CDH4: variants seen among roughly 807,000 people sequenced by gnomAD.
CDH4 encodes the protein cadherin 4.
In CDH4, 33 loss-of-function variants were observed where a neutral mutation model predicts 86.0. That is an observed-to-expected ratio of 0.38 (90% CI 0.29 to 0.51). The LOEUF is 0.51. CDH4 is among the 20% of genes least tolerant of loss of function. CDH4 has a pLI of 0.86. For synonymous variants in CDH4, 555 were observed against 549.4 expected (o/e 1.01, Z -0.14); for missense variants, 1,114 against 1,307.4 (o/e 0.85, Z 2.28).
chr20:61,704,820 C>T (rs73150345), intron 2 of CDH4, among the ~76,000 whole-genome samples: 12,025 of 152,210 alleles, frequency 0.079, 566 homozygotes, highest in East Asian at 0.18. Context: ...CTGGCATCCA[C>T]TCAGGAGATG....
chr20:61,409,547 C>T (rs1030010591), intron 2 of CDH4, among the ~76,000 whole-genome samples: 1 of 152,196 alleles, frequency 6.6e-6, no homozygotes, highest in Admixed American at 6.5e-5. Context: ...GACTCACCGT[C>T]GCCACCGCCC....
intron 2 of CDH4, among the ~76,000 whole-genome samples, chr20:61,742,664 G>A (rs774099787): frequency 6.6e-5 from 10 of 152,140 alleles, no homozygotes; most frequent in Non-Finnish European, 1.2e-4. Flanking sequence ...CTGTGGGTGC[G>A]TCGTAATTTA....
chr20:61,276,530 A>G (rs1456484565), intron 2 of CDH4, among the ~76,000 whole-genome samples: 2 of 152,162 alleles, frequency 1.3e-5, no homozygotes, highest in Non-Finnish European at 2.9e-5. Flanking sequence ...ATCCCATGCT[A>G]TGTCGCTGCT....
chr20:61,260,652 G>T (rs139537134), intron 2 of CDH4, among the ~76,000 whole-genome samples: 248 of 152,296 alleles, frequency 1.6e-3, no homozygotes, highest in African/African-American at 5.5e-3. Context: ...TGAGCACCCA[G>T]ACCCCCACTG....
intron 2 of CDH4, among the ~76,000 whole-genome samples, chr20:61,584,944 C>G (rs2086458561): frequency 6.6e-6 from 1 of 152,184 alleles, no homozygotes; most frequent in African/African-American, 2.4e-5. Context: ...GGAGCAGGGG[C>G]ATTTCCCTGG....
chr20:61,612,458 TATC>T (rs1267933339), intron 2 of CDH4, among the ~76,000 whole-genome samples: 1 of 152,094 alleles, frequency 6.6e-6, no homozygotes, highest in Admixed American at 6.5e-5. Flanking sequence ...CATTCCTCCT[TATC>T]AGCAGCTGTG....
At chr20:61,653,497 T>C (rs1325607266) in intron 2 of CDH4, among the ~76,000 whole-genome samples, 1 of 134,756 alleles carries the variant, frequency 7.4e-6, no homozygotes, top group Non-Finnish European at 1.7e-5. Context: ...GGCTCCTCAC[T>C]TCCCAGTAGG....
chr20:61,683,434 C>T (rs1003189722), intron 2 of CDH4, among the ~76,000 whole-genome samples: 3 of 152,226 alleles, frequency 2.0e-5, no homozygotes, highest in Admixed American at 6.5e-5. Context: ...GGAGCTGTCA[C>T]GGTGTATCTG....
chr20:61,294,071 G>A (rs896805358), intron 2 of CDH4, among the ~76,000 whole-genome samples: 1 of 152,158 alleles, frequency 6.6e-6, no homozygotes. Flanking sequence ...TGGAGCGTCC[G>A]CAAGGATGCT....
chr20:61,640,616 G>A (rs552948506), intron 2 of CDH4, among the ~76,000 whole-genome samples: 3 of 152,138 alleles, frequency 2.0e-5, no homozygotes, highest in Admixed American at 6.5e-5. Flanking sequence ...CACACCCCTC[G>A]AGGAGGAGAG....
chr20:61,844,882 G>C, intron 5 of CDH4, 59 bp downstream of exon 5: 2 of 1,531,516 alleles, frequency 1.3e-6, no homozygotes, highest in Non-Finnish European at 1.8e-6. Context: ...AGCCCTACCA[G>C]GCCTTGGCAG....
intron 4 of CDH4, among the ~76,000 whole-genome samples, chr20:61,821,671 C>T (rs1981050552): frequency 6.6e-6 from 1 of 152,242 alleles, no homozygotes; most frequent in Admixed American, 6.5e-5. Flanking sequence ...TGGGCTTACA[C>T]CTGTGCTTCC....
intron 2 of CDH4, among the ~76,000 whole-genome samples, chr20:61,509,890 A>G (rs1020840300): frequency 1.2e-4 from 18 of 151,986 alleles, no homozygotes; most frequent in Non-Finnish European, 5.9e-5. Flanking sequence ...GCATCTCAGG[A>G]TGTAATGGAG....
At chr20:61,806,293 G>A in intron 4 of CDH4, among the ~76,000 whole-genome samples, 1 of 152,158 alleles carries the variant, frequency 6.6e-6, no homozygotes, top group East Asian at 1.9e-4. Context: ...GAGATGAGGA[G>A]GGGGGCGTCC....
chr20:61,720,336 C>T (rs1215405914), intron 2 of CDH4, among the ~76,000 whole-genome samples: 2 of 152,092 alleles, frequency 1.3e-5, no homozygotes, highest in Non-Finnish European at 2.9e-5. Context: ...CACCAGGAAG[C>T]AGGGCAGCAA....
intron 2 of CDH4, among the ~76,000 whole-genome samples, chr20:61,476,398 TTCTGAACATGTGTGG>T (rs1445260622): frequency 3.9e-5 from 6 of 152,234 alleles, no homozygotes; most frequent in Non-Finnish European, 7.3e-5. Context: ...CGTGTGTGTG[TTCTGAACATGTGTGG>T]TCTGAACATA....
chr20:61,895,399 G>A (rs143957677), intron 8 of CDH4, among the ~76,000 whole-genome samples: 2,518 of 152,368 alleles, frequency 0.017, 39 homozygotes, highest in Non-Finnish European at 0.027. Flanking sequence ...TGCCCAGATG[G>A]GGCCTTGGCA....
At chr20:61,606,646 T>G (rs1413609380) in intron 2 of CDH4, among the ~76,000 whole-genome samples, 1 of 152,232 alleles carries the variant, frequency 6.6e-6, no homozygotes, top group Non-Finnish European at 1.5e-5. Flanking sequence ...CAGTGGCCTG[T>G]CCTGGGAAGT....
Position 61,865,606 on chromosome 20 carries a change from TG to T in CDH4, c.878-8121del, listed in dbSNP as rs145900338. On this transcript the variant is annotated intron_variant, in intron 6 of 15. Coordinates refer to ENST00000614565, the MANE Select transcript of CDH4 (RefSeq NM_001794.5). ...GGTCGCTTCCTGGCTCATTAGTGTA[TG>T]TAATGGGTTAGGTTCCTAGACTGGT... 9.7e-3 allele frequency among the ~76,000 whole-genome samples: 1,463 copies of T among 151,248 alleles called. 20 individuals carry two copies. Among genetic ancestry groups the T allele is most frequent in the African/African-American group, 0.034 (1,395 of 41,060 alleles).
Sources: allele counts gnomAD v4.1 joint callset (sites outside exome capture counted in the v4.1 genomes callset), GRCh38; gene constraint gnomAD v4.1.1; transcripts MANE v1.5; gene names NCBI Gene and HGNC (gene_info 2026-07-23, HGNC 2026-07-21).